KIF26B: variants seen among roughly 807,000 people sequenced by gnomAD.
KIF26B encodes the protein kinesin family member 26B, also known as kinesin-like protein KIF26B.
A neutral mutation model predicts 151.2 loss-of-function variants in KIF26B; 63 were observed. The ratio of observed to expected loss-of-function variants is 0.42; its 90% CI spans 0.34 to 0.51. The LOEUF is 0.51. Ranked by LOEUF, KIF26B falls within the 20% of genes least tolerant of loss-of-function variation. The pLI is 0.07. For synonymous variants in KIF26B, 1,357 were observed against 1,262.1 expected (o/e 1.08, Z -1.59); for missense variants, 2,813 against 2,913.6 (o/e 0.97, Z 0.79).
At chr1:245,249,173 A>G (rs1194790177) in intron 2 of KIF26B, among the ~76,000 whole-genome samples, 1 of 152,126 alleles carries the variant, frequency 6.6e-6, no homozygotes, top group East Asian at 1.9e-4. Flanking sequence ...GAGCAGTGGC[A>G]TGATCTCGGC....
chr1:245,194,285 C>G (rs1186201714), intron 2 of KIF26B, among the ~76,000 whole-genome samples: 2 of 152,188 alleles, frequency 1.3e-5, no homozygotes, highest in Admixed American at 1.3e-4. Flanking sequence ...GTGCTTGATG[C>G]AGGAGGCAGT....
At chr1:245,614,039 C>T (rs564151517) in intron 9 of KIF26B, among the ~76,000 whole-genome samples, 33 of 152,252 alleles carry the variant, frequency 2.2e-4, no homozygotes, top group African/African-American at 6.0e-4. Flanking sequence ...GGAATGGACT[C>T]GTGTGGCCCA....
intron 4 of KIF26B, among the ~76,000 whole-genome samples, chr1:245,523,301 T>C (rs1661169012): frequency 6.6e-6 from 1 of 152,196 alleles, no homozygotes; most frequent in East Asian, 1.9e-4. Context: ...ATTTACACAA[T>C]TCTTTTCTCC....
At chr1:245,642,010 C>T (rs1048296223) in intron 9 of KIF26B, among the ~76,000 whole-genome samples, 14 of 152,190 alleles carry the variant, frequency 9.2e-5, no homozygotes, top group African/African-American at 2.4e-4. Context: ...GTGATCACCA[C>T]AGTAATCTCA....
chr1:245,537,998 G>A (rs1265606158), intron 4 of KIF26B, among the ~76,000 whole-genome samples: 5 of 152,134 alleles, frequency 3.3e-5, no homozygotes, highest in Admixed American at 6.5e-5. Context: ...GGCCTCCATC[G>A]TTAAGAAGCT....
chr1:245,325,014 G>A (rs1671958311), intron 2 of KIF26B, among the ~76,000 whole-genome samples: 1 of 149,374 alleles, frequency 6.7e-6, no homozygotes, highest in Admixed American at 6.7e-5. Context: ...AGAATCGCTT[G>A]AACCCAGGAG....
chr1:245,196,123 G>A (rs1320959345), intron 2 of KIF26B, among the ~76,000 whole-genome samples: 1 of 152,126 alleles, frequency 6.6e-6, no homozygotes, highest in East Asian at 1.9e-4. Flanking sequence ...CAGATCCAAG[G>A]ACACAATGAT....
chr1:245,235,155 A>G (rs1300394917), intron 2 of KIF26B, among the ~76,000 whole-genome samples: 1 of 152,088 alleles, frequency 6.6e-6, no homozygotes, highest in Non-Finnish European at 1.5e-5. Flanking sequence ...ATATTCGAAT[A>G]TGTTAGATTT....
intron 2 of KIF26B, among the ~76,000 whole-genome samples, chr1:245,296,682 G>A (rs1336436936): frequency 1.3e-5 from 2 of 152,182 alleles, no homozygotes; most frequent in Non-Finnish European, 2.9e-5. Context: ...CCAGCTACTG[G>A]CTTCCACGTC....
chr1:245,264,544 G>A (rs1010154067), intron 2 of KIF26B, among the ~76,000 whole-genome samples: 1 of 151,790 alleles, frequency 6.6e-6, no homozygotes, highest in Non-Finnish European at 1.5e-5. Context: ...TTTGGTCTCA[G>A]TGTCATGCCA....
rs149625724 is a variant in KIF26B at position 245,564,770 on chromosome 1, G to A, written c.1350+23820G>A. ...CCACGGACCAAGGGTGGTGGTGGGGGATGATGATTTCAGGAAGATTCCAGT... is the reference window on the plus strand; with the variant it reads ...CCACGGACCAAGGGTGGTGGTGGGGAATGATGATTTCAGGAAGATTCCAGT... On this transcript the variant is annotated intron_variant, in intron 5 of 14. Transcript: ENST00000407071. This position sits in a 1 kb window ranked among gnomAD's most constrained non-coding sequence, Gnocchi z 4.6. Among the ~76,000 whole-genome samples the A allele has an allele frequency of 1.3e-5, 2 of 152,270 alleles. No individual in the cohort carries two copies. The highest frequency in any genetic ancestry group is 4.8e-5 in the African/African-American group (2 of 41,550).
chr1:245,359,874 C>CT (rs766845350), intron 2 of KIF26B, among the ~76,000 whole-genome samples: 1,545 of 139,510 alleles, frequency 0.011, 18 homozygotes, highest in African/African-American at 0.023. Context: ...TTCTTTCTTT[C>CT]TTTTTTTTTT....
intron 2 of KIF26B, among the ~76,000 whole-genome samples, chr1:245,256,280 T>C (rs1278494793): frequency 1.3e-5 from 2 of 152,162 alleles, no homozygotes; most frequent in African/African-American, 2.4e-5. Context: ...AAATCCTGAG[T>C]TGACTTTACG....
intron 12 of KIF26B, among the ~76,000 whole-genome samples, chr1:245,694,625 C>T (rs556619588): frequency 3.5e-4 from 53 of 152,230 alleles, no homozygotes; most frequent in Middle Eastern, 3.4e-3. Context: ...CTGTCAGCAC[C>T]GCAGATGATA....
intron 4 of KIF26B, among the ~76,000 whole-genome samples, chr1:245,477,512 A>C (rs1422090279): frequency 2.0e-5 from 3 of 151,826 alleles, no homozygotes; most frequent in Non-Finnish European, 4.4e-5. Flanking sequence ...TGGAGAAAAA[A>C]GAACAAGGTA....
chr1:245,539,816 C>A (rs1264194923), intron 4 of KIF26B, among the ~76,000 whole-genome samples: 1 of 152,140 alleles, frequency 6.6e-6, no homozygotes, highest in Admixed American at 6.5e-5. Flanking sequence ...CCACACCCGG[C>A]TAATTTTTGT....
At chr1:245,456,313 C>T (rs2103055468) in intron 4 of KIF26B, among the ~76,000 whole-genome samples, 1 of 152,274 alleles carries the variant, frequency 6.6e-6, no homozygotes, top group South Asian at 2.1e-4. Context: ...ATGATGCTGC[C>T]ATGAATATGT....
intron 5 of KIF26B, among the ~76,000 whole-genome samples, chr1:245,578,352 C>T (rs2043145415): frequency 6.6e-6 from 1 of 152,244 alleles, no homozygotes; most frequent in African/African-American, 2.4e-5. Flanking sequence ...CAGCTTGGGT[C>T]TGACCCCCAT....
chr1:245,621,846 G>C (rs1558240379), intron 9 of KIF26B, among the ~76,000 whole-genome samples: 1 of 152,256 alleles, frequency 6.6e-6, no homozygotes, highest in Non-Finnish European at 1.5e-5. Flanking sequence ...GGAGCAGAGA[G>C]TAGATTTTCC....
Sources: gnomAD v4.1 joint callset for allele counts (sites outside exome capture counted in the v4.1 genomes callset) on GRCh38, gnomAD v4.1.1 for gene constraint, Gnocchi (gnomAD v3.1) non-coding constraint, MANE v1.5 for transcripts, NCBI Gene and HGNC (gene_info 2026-07-23, HGNC 2026-07-21) for gene names.